Variants in GALNT18 observed in about 807,000 individuals in gnomAD.
The protein encoded by GALNT18 is polypeptide N-acetylgalactosaminyltransferase 18, also known as GalNAc-transferase 18.
Under a neutral mutation model 69.5 loss-of-function variants are expected in GALNT18, and 44 were observed. The ratio of observed to expected loss-of-function variants is 0.63; its 90% CI spans 0.50 to 0.81. The LOEUF is 0.81. Among genes scored for constraint, GALNT18 ranks in the 40% least tolerant of loss-of-function variants. The pLI is 0.00. For missense variants in GALNT18, 715 were observed against 810.0 expected (o/e 0.88, Z 1.42); for synonymous variants, 364 against 318.2 (o/e 1.14, Z -1.53).
intron 1 of GALNT18, among the ~76,000 whole-genome samples, chr11:11,547,867 C>T (rs1469461987): frequency 6.6e-6 from 1 of 152,188 alleles, no homozygotes; most frequent in Non-Finnish European, 1.5e-5. Flanking sequence ...TCAGCCTGCC[C>T]TATATGTATG....
chr11:11,556,151 G>A (rs1858328019), intron 1 of GALNT18, among the ~76,000 whole-genome samples: 1 of 152,238 alleles, frequency 6.6e-6, no homozygotes, highest in South Asian at 2.1e-4. Flanking sequence ...TGAGGTGGAA[G>A]CAGAAATGGG....
intron 9 of GALNT18, among the ~76,000 whole-genome samples, chr11:11,299,761 C>T (rs1849462266): frequency 1.3e-5 from 2 of 152,196 alleles, no homozygotes; most frequent in South Asian, 4.1e-4. Flanking sequence ...GTGAATTGTG[C>T]TGCTATAAAC....
chr11:11,319,416 T>C (rs542785707), intron 9 of GALNT18, among the ~76,000 whole-genome samples: 1 of 152,310 alleles, frequency 6.6e-6, no homozygotes, highest in East Asian at 1.9e-4. Flanking sequence ...TTTTTTCTGG[T>C]TCATCCATTT....
At position 11,617,637 on chromosome 11, in the gene GALNT18, G is replaced by A. The variant is rs1201043996; in HGVS notation, c.235+3722C>T. ...TGATTTTTAGGGTAGAATGAATTAT[G>A]GGCAATTTTATGCATTTTTAAATAT... On this transcript the variant is annotated intron_variant, in intron 1 of 10. Coordinates refer to ENST00000227756, the MANE Select transcript of GALNT18 (RefSeq NM_198516.3). This position sits in a 1 kb window ranked among gnomAD's most constrained non-coding sequence, Gnocchi z 4.7. Among the ~76,000 whole-genome samples the A allele has an allele frequency of 6.6e-6, 1 of 152,100 alleles. No individual in the cohort carries two copies. Among genetic ancestry groups the A allele is most frequent in the Non-Finnish European group, 1.5e-5 (1 of 68,014 alleles).
At chr11:11,300,646 C>A (rs1312421848) in intron 9 of GALNT18, among the ~76,000 whole-genome samples, 1 of 152,104 alleles carries the variant, frequency 6.6e-6, no homozygotes, top group East Asian at 1.9e-4. Context: ...TGGCAAAGGT[C>A]ATTGAAGGCA....
intron 6 of GALNT18, among the ~76,000 whole-genome samples, chr11:11,362,769 A>T (rs1199767498): frequency 6.6e-6 from 1 of 152,118 alleles, no homozygotes; most frequent in African/African-American, 2.4e-5. Context: ...ACCCCTCTGG[A>T]GGGATATTTG....
rs1554918717 is a variant in GALNT18, at chr11:11,340,286, T to TTAAACACTGTCTAAAAACTGCCCAGAA, written c.1278+532_1278+533insTTCTGGGCAGTTTTTAGACAGTGTTTA. Among the ~76,000 whole-genome samples the TTAAACACTGTCTAAAAACTGCCCAGAA allele has an allele frequency of 8.2e-5, 4 of 48,908 alleles. No homozygotes were observed. Among genetic ancestry groups the TTAAACACTGTCTAAAAACTGCCCAGAA allele is most frequent in the African/African-American group, 5.5e-4 (4 of 7,328 alleles). The allele number at this position is 48,908 out of a possible 152,430, so 32.1% of individuals were successfully genotyped here. A position where few individuals can be genotyped will look rare whatever the true frequency, so the allele number is the denominator to read the frequency against. ...AGGCAATGATGAGGCTCTGTGAAGGTTAACTCCATCTCCTAGTGAAGGTCC... is the reference window on the plus strand; with the variant it reads ...AGGCAATGATGAGGCTCTGTGAAGGTTAAACACTGTCTAAAAACTGCCCAGAATAACTCCATCTCCTAGTGAAGGTCC... On this transcript the variant is annotated intron_variant, in intron 7 of 10. Coordinates refer to ENST00000227756, the MANE Select transcript of GALNT18 (RefSeq NM_198516.3). The surrounding 1 kb of genome is among the most constrained non-coding windows in gnomAD (Gnocchi z 4.2).
Position 11,421,974 on chromosome 11 carries a change from G to C in GALNT18, c.595+10647C>G, listed in dbSNP as rs1004697240. On this transcript the variant is annotated intron_variant, in intron 3 of 10. Coordinates refer to ENST00000227756, the MANE Select transcript of GALNT18 (RefSeq NM_198516.3). This position sits in a 1 kb window ranked among gnomAD's most constrained non-coding sequence, Gnocchi z 5.6. ...ATAGAATCATGCATGGCAGCTGAGAGGTAGGTTCAGAAATGGACACAGTTG... is the reference window on the plus strand; with the variant it reads ...ATAGAATCATGCATGGCAGCTGAGACGTAGGTTCAGAAATGGACACAGTTG... Among the ~76,000 whole-genome samples, 1 of 152,198 alleles carries C rather than the reference G, an allele frequency of 6.6e-6. No homozygotes were observed. Among genetic ancestry groups the C allele is most frequent in the Non-Finnish European group, 1.5e-5 (1 of 68,028 alleles).
At chr11:11,351,866 C>T in intron 6 of GALNT18, 2 of 1,144,890 alleles carry the variant, frequency 1.7e-6, no homozygotes, top group South Asian at 2.9e-5. Flanking sequence ...TTCACCCCTC[C>T]CCGCCAGGCG....
chr11:11,561,837 C>A (rs1055473730), intron 1 of GALNT18, among the ~76,000 whole-genome samples: 10 of 152,146 alleles, frequency 6.6e-5, no homozygotes, highest in African/African-American at 2.4e-4. Context: ...AGACGAGAAC[C>A]GGGCAGGGGA....
At chr11:11,608,173 A>G (rs1294189274) in intron 1 of GALNT18, among the ~76,000 whole-genome samples, 3 of 152,198 alleles carry the variant, frequency 2.0e-5, no homozygotes, top group African/African-American at 4.8e-5. Flanking sequence ...ACTAATTGCA[A>G]TGAAATGGGG....
rs906472452 is a variant in GALNT18, at chr11:11,590,297, G to A, written c.235+31062C>T. Among the ~76,000 whole-genome samples the A allele has an allele frequency of 1.3e-5, 2 of 152,144 alleles. No individual in the cohort carries two copies. Among genetic ancestry groups the A allele is most frequent in the Non-Finnish European group, 2.9e-5 (2 of 68,050 alleles). The stretch of plus-strand genomic sequence containing the variant: ...CATGTTCTCTCTCCCCGTATCTGCC[G>A]ATTGCATGCAAGGGGTCACGCAGAA... On this transcript the variant is annotated intron_variant, in intron 1 of 10. Coordinates refer to ENST00000227756, the MANE Select transcript of GALNT18 (RefSeq NM_198516.3). This position sits in a 1 kb window ranked among gnomAD's most constrained non-coding sequence, Gnocchi z 4.4.
intron 3 of GALNT18, among the ~76,000 whole-genome samples, chr11:11,381,678 C>T (rs1366263979): frequency 1.3e-5 from 2 of 152,180 alleles, no homozygotes; most frequent in African/African-American, 4.8e-5. Flanking sequence ...AAGGTCTAGG[C>T]AGCCTCTTCC....
chr11:11,524,003 C>T (rs940992962), intron 1 of GALNT18, among the ~76,000 whole-genome samples: 2 of 151,478 alleles, frequency 1.3e-5, no homozygotes, highest in African/African-American at 4.8e-5. Flanking sequence ...GAACTCAAGG[C>T]TCCTGGCACT....
rs920356981 is a variant in GALNT18 at position 11,432,601 on chromosome 11, T to C, written c.595+20A>G. The C allele has an allele frequency of 1.3e-6, 2 of 1,592,338 alleles. No homozygotes were observed. The highest frequency in any genetic ancestry group is 1.7e-6 in the Non-Finnish European group (2 of 1,167,804). ...CAGCCAGGAAGTAGGGCCTGGGCCC[T>C]GGGAAGCTCCGACACTCACCGTTAC... On this transcript the variant is annotated intron_variant, in intron 3 of 10. Transcript: ENST00000227756. This position sits in a 1 kb window ranked among gnomAD's most constrained non-coding sequence, Gnocchi z 5.8.
intron 9 of GALNT18, among the ~76,000 whole-genome samples, chr11:11,300,708 T>A (rs1209258159): frequency 6.6e-6 from 1 of 152,068 alleles, no homozygotes; most frequent in African/African-American, 2.4e-5. Flanking sequence ...TGAGAGCAAA[T>A]GAAATCACAA....
Position 11,459,517 on chromosome 11 carries a change from C to A in GALNT18, c.236-10581G>T, listed in dbSNP as rs7939380. Among the ~76,000 whole-genome samples, 3,884 of 152,248 alleles carry A rather than the reference C, an allele frequency of 0.026. 143 individuals carry two copies. The highest frequency in any genetic ancestry group is 0.088 in the African/African-American group (3,640 of 41,550). On this transcript the variant is annotated intron_variant, in intron 1 of 10. Transcript: ENST00000227756. This position sits in a 1 kb window ranked among gnomAD's most constrained non-coding sequence, Gnocchi z 5.0. ...GTGGGGTCTGCCATCCAAGAGATGT[C>A]CCACTGCAAGGCCAAGTGCAGACTC...
intron 2 of GALNT18, among the ~76,000 whole-genome samples, chr11:11,443,960 T>C (rs1855588540): frequency 6.6e-6 from 1 of 152,218 alleles, no homozygotes; most frequent in Non-Finnish European, 1.5e-5. Context: ...ACTGGCACAC[T>C]TCCTATGCCT....
At chr11:11,414,439 C>A (rs1248986680) in intron 3 of GALNT18, among the ~76,000 whole-genome samples, 1 of 152,128 alleles carries the variant, frequency 6.6e-6, no homozygotes, top group South Asian at 2.1e-4. Flanking sequence ...GCTCTGAGAC[C>A]ATGTTACCTC....
Sources: allele counts gnomAD v4.1 joint callset (sites outside exome capture counted in the v4.1 genomes callset), GRCh38; gene constraint gnomAD v4.1.1; non-coding constraint Gnocchi (gnomAD v3.1); transcripts MANE v1.5; gene names NCBI Gene and HGNC (gene_info 2026-07-23, HGNC 2026-07-21).